Variants in CLECL1 observed in about 807,000 individuals in gnomAD.
CLECL1 encodes C-type lectin like 1.
intron 2 of CLECL1, among the ~76,000 whole-genome samples, chr12:9,727,826 T>C (rs1866397735): frequency 6.6e-6 from 1 of 151,808 alleles, no homozygotes; most frequent in Non-Finnish European, 1.5e-5. Context: ...TAACTACTCT[T>C]TCCTAGATTT....
intron 3 of CLECL1, among the ~76,000 whole-genome samples, chr12:9,727,460 A>G (rs1410674891): frequency 6.6e-6 from 1 of 151,812 alleles, no homozygotes; most frequent in Admixed American, 6.6e-5. Flanking sequence ...CCATCTGTCT[A>G]TTGTGATAGA....
At chr12:9,702,914 A>G in the CLECL1 span, among the ~76,000 whole-genome samples, 2 of 152,210 alleles carry the variant, frequency 1.3e-5, no homozygotes. Flanking sequence ...GGAACAGTAA[A>G]TTTCAGTAAA....
exon 3 of CLECL1, chr12:9,716,355 C>G (rs956374773): frequency 7.8e-5 from 12 of 154,550 alleles, no homozygotes; most frequent in African/African-American, 2.9e-4. Flanking sequence ...TTGGTCATCT[C>G]CATTTATCCC....
the CLECL1 span, among the ~76,000 whole-genome samples, chr12:9,708,622 C>T: frequency 1.3e-3 from 191 of 152,266 alleles, 1 homozygote; most frequent in African/African-American, 4.5e-3. Flanking sequence ...GCCCAGGGAA[C>T]TCAAAGTTTG....
Position 9,723,674 on chromosome 12 carries a change from A to G in CLECL1, n.263-861T>C, listed in dbSNP as rs761167229. On this transcript the variant is annotated intron_variant and non_coding_transcript_variant, in intron 3 of 3. Coordinates refer to ENST00000621400, the Ensembl canonical transcript of CLECL1. ...CCTGAATAACCAGAGAACAGAGTTA[A>G]GAGAAACCACAGATGCTGAAAATGA... Among the ~76,000 whole-genome samples, 8 of 152,340 alleles carry G rather than the reference A, an allele frequency of 5.3e-5. No homozygotes were observed. The South Asian group carries it at 1.5e-3, about 28-fold the overall frequency.
chr12:9,705,744 T>G, the CLECL1 span, among the ~76,000 whole-genome samples: 7 of 152,290 alleles, frequency 4.6e-5, no homozygotes, highest in Admixed American at 6.5e-5. Flanking sequence ...TCTAATCTGT[T>G]CCATTGGTCT....
At chr12:9,726,619 T>C (rs564520819) in intron 3 of CLECL1, among the ~76,000 whole-genome samples, 47 of 152,098 alleles carry the variant, frequency 3.1e-4, no homozygotes, top group Middle Eastern at 6.8e-3. Flanking sequence ...TTAAGTCCAT[T>C]TTGTTATTTT....
chr12:9,704,654 A>G, the CLECL1 span, among the ~76,000 whole-genome samples: 8 of 152,268 alleles, frequency 5.3e-5, no homozygotes, highest in Middle Eastern at 3.4e-3. Context: ...AAGTGAGAAC[A>G]TGTGGTATTT....
chr12:9,719,388 T>C (rs1019187179), downstream of CLECL1, among the ~76,000 whole-genome samples: 1 of 152,032 alleles, frequency 6.6e-6, no homozygotes, highest in African/African-American at 2.4e-5. Context: ...TAGCTGGGCG[T>C]GGTGGCGGGC....
chr12:9,718,628 G>A (rs1866267720), downstream of CLECL1: 3 of 649,346 alleles, frequency 4.6e-6, no homozygotes, highest in African/African-American at 1.8e-5. Flanking sequence ...CTTTAAAGAT[G>A]TAATTAACTT....
the CLECL1 span, among the ~76,000 whole-genome samples, chr12:9,705,551 C>A: frequency 7.9e-5 from 12 of 152,110 alleles, no homozygotes; most frequent in African/African-American, 2.2e-4. Context: ...ACACTAAAGT[C>A]TTTAATCCAT....
chr12:9,733,518 T>C (rs1220161273), upstream of CLECL1, among the ~76,000 whole-genome samples: 1 of 152,202 alleles, frequency 6.6e-6, no homozygotes, highest in African/African-American at 2.4e-5. Context: ...ATGTCTTTTA[T>C]CCTCCTCTCT....
downstream of CLECL1, among the ~76,000 whole-genome samples, chr12:9,714,096 A>C (rs147477780): frequency 6.6e-6 from 1 of 152,360 alleles, no homozygotes; most frequent in African/African-American, 2.4e-5. Flanking sequence ...AGGCAAAAAC[A>C]GTCAAAGCTC....
At chr12:9,732,157 A>G (rs969458173) in intron 1 of CLECL1, among the ~76,000 whole-genome samples, 7 of 152,218 alleles carry the variant, frequency 4.6e-5, no homozygotes, top group Admixed American at 3.3e-4. Flanking sequence ...AAGAAGAAAT[A>G]CATTCCTTGG....
upstream of CLECL1, chr12:9,733,198 C>A (rs180674572): frequency 6.2e-7 from 1 of 1,613,720 alleles, no homozygotes; most frequent in Non-Finnish European, 8.5e-7. Context: ...CCAATGTGTT[C>A]AGTCTTACTA....
the CLECL1 span, among the ~76,000 whole-genome samples, chr12:9,710,554 C>T: frequency 0.92 from 140,751 of 152,180 alleles, 65,142 homozygotes; most frequent in East Asian, 0.97. Context: ...CAGGTATTTC[C>T]CGCCCAAATG....
upstream of CLECL1, among the ~76,000 whole-genome samples, chr12:9,734,045 G>T (rs1165617059): frequency 6.6e-6 from 1 of 152,214 alleles, no homozygotes; most frequent in African/African-American, 2.4e-5. Flanking sequence ...ACATAGAAAT[G>T]TCAGATATGA....
At chr12:9,711,779 C>T (rs1866202754), downstream of CLECL1, among the ~76,000 whole-genome samples, 1 of 152,092 alleles carries the variant, frequency 6.6e-6, no homozygotes, top group African/African-American at 2.4e-5. Flanking sequence ...GTCTTCTGGT[C>T]TCATCTATGG....
chr12:9,709,447 C>G, the CLECL1 span: 1 of 152,292 alleles, frequency 6.6e-6, no homozygotes, highest in Admixed American at 6.5e-5. Context: ...GTCTCCTTCT[C>G]CCTACAGGAC....
Sources: allele counts gnomAD v4.1 joint callset (sites outside exome capture counted in the v4.1 genomes callset), GRCh38; gene constraint gnomAD v4.1.1; transcripts MANE v1.5; gene names NCBI Gene and HGNC (gene_info 2026-07-23, HGNC 2026-07-21).